The following NAV1 variants were observed in gnomAD, a reference collection of about 807,000 sequenced individuals.
NAV1 encodes the protein neuron navigator 1, also known as pore membrane and/or filament interacting like protein 3.
In NAV1, 18 loss-of-function variants were observed where a neutral mutation model predicts 175.2. The observed-to-expected ratio is 0.10, with a 90% CI of 0.07 to 0.15. The LOEUF (loss-of-function observed/expected upper bound fraction) is 0.15, where lower values mean the gene tolerates loss of function less well. NAV1 is among the 10% of genes least tolerant of loss of function. The pLI, the probability that NAV1 is intolerant of heterozygous loss-of-function variation, is 1.00. For synonymous variants in NAV1, 897 were observed against 978.7 expected (o/e 0.92, Z 1.56); for missense variants, 1,731 against 2,436.6 (o/e 0.71, Z 6.10).
In NAV1 at chr1:201,808,372, C is replaced by T; in HGVS notation, c.3846-46C>T. 1 of 1,570,014 alleles carries T rather than the reference C, an allele frequency of 6.4e-7. No individual in the cohort carries two copies. ...TGCCTCTCAATATTCTCTAGTAACT[C>T]TAGTGCTTCTTCATGTAGCCTGGCT... On this transcript the variant is annotated intron_variant, in intron 18 of 29. Transcript: ENST00000367296. The surrounding 1 kb of genome is among the most constrained non-coding windows in gnomAD (Gnocchi z 5.5).
At chr1:201,784,442 G>A (rs1558161671) in intron 7 of NAV1, among the ~76,000 whole-genome samples, 1 of 152,150 alleles carries the variant, frequency 6.6e-6, no homozygotes, top group Admixed American at 6.5e-5. Context: ...ACAGGCATGA[G>A]CCACCACACC....
chr1:201,616,636 C>A (rs538644047), intron 2 of NAV1, among the ~76,000 whole-genome samples: 1 of 152,128 alleles, frequency 6.6e-6, no homozygotes, highest in Non-Finnish European at 1.5e-5. Context: ...TACAGGCATG[C>A]GCCACCACGC....
chr1:201,704,894 TG>T (rs1222835701), intron 1 of NAV1, among the ~76,000 whole-genome samples: 1 of 152,212 alleles, frequency 6.6e-6, no homozygotes, highest in African/African-American at 2.4e-5. Context: ...CTCCCATATT[TG>T]TAGATAGGGA....
intron 1 of NAV1, among the ~76,000 whole-genome samples, chr1:201,541,052 A>G (rs12563729): frequency 0.18 from 27,433 of 152,154 alleles, 3,235 homozygotes; most frequent in East Asian, 0.53. Flanking sequence ...CTTCTTCAGC[A>G]GTTTATCTGA....
intron 1 of NAV1, among the ~76,000 whole-genome samples, chr1:201,580,749 G>A (rs772908398): frequency 7.2e-5 from 11 of 152,116 alleles, no homozygotes; most frequent in Non-Finnish European, 1.3e-4. Flanking sequence ...TCCAGCCTAG[G>A]TGACAGAGCA....
chr1:201,794,107 G>T, intron 14 of NAV1: 1 of 687,908 alleles, frequency 1.5e-6, no homozygotes, highest in Admixed American at 2.0e-5. Flanking sequence ...CCCATTGCCT[G>T]ACACATCATA....
intron 2 of NAV1, among the ~76,000 whole-genome samples, chr1:201,594,400 G>A (rs1667294204): frequency 6.6e-6 from 1 of 152,188 alleles, no homozygotes; most frequent in Non-Finnish European, 1.5e-5. Context: ...GGCTGCATGG[G>A]GTCTGCAGGA....
At chr1:201,706,254 G>GATGT (rs1553256673) in intron 1 of NAV1, among the ~76,000 whole-genome samples, 12 of 148,782 alleles carry the variant, frequency 8.1e-5, no homozygotes, top group South Asian at 2.1e-4. Context: ...ATTAAGAAGG[G>GATGT]GTGTGTGTGT....
At chr1:201,785,270 C>A in intron 7 of NAV1, 40 bp from the exon 12 acceptor site, 1 of 1,480,514 alleles carries the variant, frequency 6.8e-7, no homozygotes, top group Non-Finnish European at 8.9e-7. Flanking sequence ...CCACATGCTT[C>A]TCTCTCTCTC....
At chr1:201,648,790 G>T (rs1337229622) in exon 1 of NAV1, 2 of 1,513,178 alleles carry the variant, frequency 1.3e-6, no homozygotes, top group African/African-American at 1.4e-5. Context: ...GACGGCAGAG[G>T]CATGCTGCCC....
intron 1 of NAV1, 33 bp from the exon 6 acceptor site, chr1:201,712,784 C>T: frequency 6.8e-7 from 1 of 1,475,594 alleles, no homozygotes; most frequent in Non-Finnish European, 9.5e-7. Flanking sequence ...AAGTTCTCTT[C>T]ACTCACCCAG....
intron 1 of NAV1, among the ~76,000 whole-genome samples, chr1:201,556,835 C>A (rs1444859820): frequency 6.6e-6 from 1 of 152,214 alleles, no homozygotes; most frequent in African/African-American, 2.4e-5. Flanking sequence ...GAAAACGGGT[C>A]TCAAGTGACC....
intron 1 of NAV1, among the ~76,000 whole-genome samples, chr1:201,663,930 T>A (rs1291569134): frequency 6.6e-6 from 1 of 152,204 alleles, no homozygotes; most frequent in Non-Finnish European, 1.5e-5. Flanking sequence ...ACACTCTGCA[T>A]AGAGATTGGA....
At chr1:201,614,675 A>T (rs1307817976) in intron 2 of NAV1, among the ~76,000 whole-genome samples, 1 of 152,146 alleles carries the variant, frequency 6.6e-6, no homozygotes, top group Admixed American at 6.6e-5. Context: ...CTGGCGCTGG[A>T]ATGAGGCTGA....
At chr1:201,643,830 C>T (rs1340952435), upstream of NAV1, among the ~76,000 whole-genome samples, 8 of 152,278 alleles carry the variant, frequency 5.3e-5, no homozygotes, top group African/African-American at 7.2e-5. Context: ...TTCCCCAGAC[C>T]CCCCACAGAC....
rs147713533 is a variant in NAV1, at chr1:201,809,242, C to T, written c.4286C>T (p.Pro1429Leu). 829 of 1,613,862 alleles carry T rather than the reference C, an allele frequency of 5.1e-4. 1 individual carries two copies. The East Asian group carries it at 5.5e-3, about 11-fold the overall frequency. The change falls in exon 21 of 30, where the codon CCG becomes CTG. Residue 1429 changes from proline (P) to leucine (L), a missense_variant. Pro to Leu is a moderately conservative substitution (Grantham distance 98). Transcript: ENST00000367296. ...CTCCGGGTGGTGGTGAGGATGCCCC[C>T]GCAGCACATCATCAAAGGGGTAAGG...
At chr1:201,637,730 A>G (rs575933447) in intron 2 of NAV1, among the ~76,000 whole-genome samples, 1 of 152,306 alleles carries the variant, frequency 6.6e-6, no homozygotes, top group South Asian at 2.1e-4. Context: ...ACACATGGGC[A>G]CAGCCACAGG....
intron 3 of NAV1, among the ~76,000 whole-genome samples, chr1:201,771,110 T>C (rs1283958867): frequency 6.6e-6 from 1 of 151,954 alleles, no homozygotes; most frequent in Non-Finnish European, 1.5e-5. Context: ...GATCAGATCT[T>C]AAGTGCTACT....
At chr1:201,742,083 G>T (rs1673458413) in intron 3 of NAV1, among the ~76,000 whole-genome samples, 1 of 152,218 alleles carries the variant, frequency 6.6e-6, no homozygotes, top group Non-Finnish European at 1.5e-5. Context: ...GGAGACAGGG[G>T]ATGTTGTAAA....
Sources: allele counts gnomAD v4.1 joint callset (sites outside exome capture counted in the v4.1 genomes callset), GRCh38; gene constraint gnomAD v4.1.1; non-coding constraint Gnocchi (gnomAD v3.1); transcripts MANE v1.5; gene names NCBI Gene and HGNC (gene_info 2026-07-23, HGNC 2026-07-21).